Variants in NFE2L2 observed in about 807,000 individuals in gnomAD.
NFE2L2 encodes NFE2 like bZIP transcription factor 2.
Under a neutral mutation model 49.6 loss-of-function variants are expected in NFE2L2, and 20 were observed. The ratio of observed to expected loss-of-function variants is 0.40; its 90% confidence interval spans 0.28 to 0.59. The LOEUF (loss-of-function observed/expected upper bound fraction) is 0.59, where lower values mean the gene tolerates loss of function less well. Among genes scored for constraint, NFE2L2 ranks in the 20% least tolerant of loss-of-function variants. The probability of loss-of-function intolerance (pLI) is 0.40; values close to 1 mark genes in which losing one functional copy is unlikely to be tolerated. For missense variants in NFE2L2, 578 were observed against 714.2 expected (o/e 0.81, Z 2.17); for synonymous variants, 244 against 256.5 (o/e 0.95, Z 0.47).
intron 1 of NFE2L2, chr2:177,263,910 CAG>C (rs967786902): frequency 6.1e-6 from 6 of 985,478 alleles, no homozygotes; most frequent in Non-Finnish European, 7.2e-6. Flanking sequence ...TCAAGGCTGC[CAG>C]AGAGTGATCC....
intron 1 of NFE2L2, among the ~76,000 whole-genome samples, chr2:177,251,955 G>A (rs1430649313): frequency 1.4e-5 from 2 of 138,846 alleles, no homozygotes; most frequent in Non-Finnish European, 3.0e-5. Context: ...GCAGTGAGCC[G>A]AGATCACACC....
At chr2:177,246,234 G>C (rs1205793957) in intron 1 of NFE2L2, among the ~76,000 whole-genome samples, 1 of 152,148 alleles carries the variant, frequency 6.6e-6, no homozygotes, top group Non-Finnish European at 1.5e-5. Context: ...ATTGAAATCA[G>C]GACAACTCCC....
At chr2:177,232,833 G>A (rs1689602853) in intron 3 of NFE2L2, 2 of 507,554 alleles carry the variant, frequency 3.9e-6, no homozygotes, top group South Asian at 6.0e-5. Flanking sequence ...ACAATCTTTA[G>A]GATTTAGTTT....
At chr2:177,238,099 A>G (rs1689816515) in intron 1 of NFE2L2, among the ~76,000 whole-genome samples, 4 of 152,160 alleles carry the variant, frequency 2.6e-5, no homozygotes, top group Admixed American at 2.6e-4. Flanking sequence ...TGCAAAGTCA[A>G]TCAAAGAAAC....
At chr2:177,246,599 C>CT (rs375027598) in intron 1 of NFE2L2, among the ~76,000 whole-genome samples, 2,132 of 141,386 alleles carry the variant, frequency 0.015, 39 homozygotes, top group African/African-American at 0.029. Flanking sequence ...GTCCCTTTTT[C>CT]TTTTTTTTCT....
In NFE2L2 at chr2:177,234,098, CTG is replaced by C; in HGVS notation, c.217_218del (p.Gln73ValfsTer5). On this transcript the variant is annotated frameshift_variant, in exon 2 of 5. Coordinates refer to ENST00000397062, the MANE Select transcript of NFE2L2 (RefSeq NM_006164.5). LOFTEE classifies it high-confidence loss of function. Reference sequence around the variant, plus strand: ...CACCTGTCTCTTCATCTAGTTGTAACTGAGCGAAAAAGGCTTTCTCTTGCTCC... The same window carrying C: ...CACCTGTCTCTTCATCTAGTTGTAACAGCGAAAAAGGCTTTCTCTTGCTCC... The part of the protein sequence containing the change: ...QKEQEKAFFA[Q>X]LQLDEETGEF... 6.2e-7 allele frequency: 1 copy of C among 1,614,176 alleles called. No individual in the cohort carries two copies. Among genetic ancestry groups the C allele is most frequent in the East Asian group, 2.2e-5 (1 of 44,886 alleles).
intron 2 of NFE2L2, chr2:177,233,796 TC>T: frequency 1.6e-6 from 1 of 636,512 alleles, no homozygotes; most frequent in Non-Finnish European, 2.7e-6. Flanking sequence ...GTCTTCCCAA[TC>T]CTCACAATAA....
intron 1 of NFE2L2, among the ~76,000 whole-genome samples, chr2:177,258,239 T>C (rs1274950423): frequency 1.3e-5 from 2 of 152,260 alleles, no homozygotes; most frequent in Non-Finnish European, 2.9e-5. Flanking sequence ...TGGAATAGTA[T>C]GCAGCCATAA....
chr2:177,244,175 C>T (rs1202119399), intron 1 of NFE2L2, among the ~76,000 whole-genome samples: 1 of 151,738 alleles, frequency 6.6e-6, no homozygotes, highest in Non-Finnish European at 1.5e-5. Flanking sequence ...GTGGCGGGTG[C>T]CTGTAGTCCC....
At chr2:177,239,488 G>A (rs1003091071) in intron 1 of NFE2L2, among the ~76,000 whole-genome samples, 2 of 152,112 alleles carry the variant, frequency 1.3e-5, no homozygotes, top group African/African-American at 2.4e-5. Context: ...ACCAGCCTGG[G>A]CAACATGGTG....
At chr2:177,264,497 G>A (rs1690865752) in intron 1 of NFE2L2, 35 bp downstream of exon 1, 3 of 1,517,506 alleles carry the variant, frequency 2.0e-6, no homozygotes, top group Non-Finnish European at 2.7e-6. Context: ...CCCCGTCCCG[G>A]CACCACCGCA....
chr2:177,255,353 A>G (rs1405545435), intron 1 of NFE2L2, among the ~76,000 whole-genome samples: 2 of 152,196 alleles, frequency 1.3e-5, no homozygotes, highest in Non-Finnish European at 2.9e-5. Context: ...GGATTTCACC[A>G]AACAGGCAGT....
intron 1 of NFE2L2, among the ~76,000 whole-genome samples, chr2:177,245,154 A>G (rs1033103717): frequency 1.3e-5 from 2 of 151,840 alleles, no homozygotes; most frequent in Non-Finnish European, 2.9e-5. Flanking sequence ...ACATAAAGAG[A>G]CTTCTTCCTC....
In NFE2L2 at chr2:177,243,474, G is replaced by A. The variant is rs192468336; in HGVS notation, c.46-9203C>T. The stretch of plus-strand genomic sequence containing the variant: ...TACCCTCTCTTTTGATCCTGGATTT[G>A]TAAAGATAAATGTAAAGATAAAGTT... On this transcript the variant is annotated intron_variant, in intron 1 of 4. Transcript: ENST00000397062. Among the ~76,000 whole-genome samples, 442 of 152,240 alleles carry A rather than the reference G, an allele frequency of 2.9e-3. 1 individual carries two copies. The highest frequency in any genetic ancestry group is 0.01 in the African/African-American group (418 of 41,530).
In NFE2L2 at chr2:177,231,410, T is replaced by G. The variant is rs751244829; in HGVS notation, c.1193A>C (p.His398Pro). Residue 398 changes from histidine (H) to proline (P), a missense_variant, in exon 5 of 5, where the codon CAT (histidine) becomes CCT (proline). Physicochemically the swap from His to Pro is moderately conservative, Grantham distance 77. Transcript: ENST00000397062. ...VKQNGPKTPV[H>P]SSGDMVQPLS... ...GGGTTGTACCATATCCCCAGAAGAATGTACTGGTGTTTTAGGACCATTCTG... is the reference window on the plus strand; with the variant it reads ...GGGTTGTACCATATCCCCAGAAGAAGGTACTGGTGTTTTAGGACCATTCTG... 5 of 1,614,268 alleles carry G rather than the reference T, an allele frequency of 3.1e-6. No homozygotes were observed. The Admixed American group carries it at 6.7e-5, about 22-fold the overall frequency.
At chr2:177,248,630 A>G (rs1690218236) in intron 1 of NFE2L2, among the ~76,000 whole-genome samples, 1 of 152,102 alleles carries the variant, frequency 6.6e-6, no homozygotes, top group Non-Finnish European at 1.5e-5. Flanking sequence ...GCTGGTCTCG[A>G]TCTCCTCACC....
intron 1 of NFE2L2, among the ~76,000 whole-genome samples, chr2:177,244,549 G>A (rs966170091): frequency 6.6e-6 from 1 of 152,178 alleles, no homozygotes; most frequent in African/African-American, 2.4e-5. Context: ...AATCTGCACA[G>A]AAAGACCTCA....
At chr2:177,264,468 G>T in intron 1 of NFE2L2, 64 bp downstream of exon 1, 7 of 1,485,700 alleles carry the variant, frequency 4.7e-6, no homozygotes, top group Non-Finnish European at 6.3e-6. Flanking sequence ...CCCGGGCCGC[G>T]GTTCCCTAGC....
chr2:177,249,236 A>AAAT (rs1690248413), intron 1 of NFE2L2, among the ~76,000 whole-genome samples: 1 of 151,566 alleles, frequency 6.6e-6, no homozygotes, highest in Non-Finnish European at 1.5e-5. Context: ...ATAAATAAAT[A>AAAT]AATAAATAAA....
Sources: gnomAD v4.1 joint callset for allele counts (sites outside exome capture counted in the v4.1 genomes callset) on GRCh38, gnomAD v4.1.1 for gene constraint, MANE v1.5 for transcripts, NCBI Gene and HGNC (gene_info 2026-07-23, HGNC 2026-07-21) for gene names.